The following FARP1 variants were observed in gnomAD, a reference collection of about 807,000 sequenced individuals.
FARP1 encodes FERM, ARHGEF and pleckstrin domain-containing protein 1.
Under a neutral mutation model 128.8 loss-of-function variants are expected in FARP1, and 52 were observed. The observed-to-expected ratio is 0.40, with a 90% confidence interval of 0.32 to 0.51. FARP1 has a LOEUF of 0.51. Among genes scored for constraint, FARP1 ranks in the 20% least tolerant of loss-of-function variants. FARP1 has a pLI of 0.45. For missense variants in FARP1, 1,333 were observed against 1,367.9 expected (o/e 0.97, Z 0.40); for synonymous variants, 580 against 551.8 (o/e 1.05, Z -0.72).
At chr13:98,446,857 G>A in intron 26 of FARP1, 40 bp downstream of exon 26, 1 of 1,605,010 alleles carries the variant, frequency 6.2e-7, no homozygotes, top group Non-Finnish European at 8.5e-7. Flanking sequence ...CTGCAGAAGA[G>A]GACCCCCTCT....
chr13:98,411,822 G>A, intron 15 of FARP1, 79 bp from the exon 16 acceptor site: 1 of 1,498,466 alleles, frequency 6.7e-7, no homozygotes, highest in Non-Finnish European at 9.1e-7. Context: ...GCATTTGGCT[G>A]CATGTGACTT....
At chr13:98,377,390 A>AC (rs1889639368) in intron 5 of FARP1, among the ~76,000 whole-genome samples, 1 of 142,140 alleles carries the variant, frequency 7.0e-6, no homozygotes, top group African/African-American at 2.6e-5. Context: ...AAAAAAAAAA[A>AC]ATGACGCCCC....
At chr13:98,419,941 T>A (rs1891531839) in intron 16 of FARP1, among the ~76,000 whole-genome samples, 1 of 152,000 alleles carries the variant, frequency 6.6e-6, no homozygotes, top group Admixed American at 6.6e-5. Context: ...ATTGGGCCCA[T>A]GGGGTATGCA....
At chr13:98,145,388 AC>A (rs1158644534) in intron 1 of FARP1, among the ~76,000 whole-genome samples, 1 of 152,156 alleles carries the variant, frequency 6.6e-6, no homozygotes, top group Non-Finnish European at 1.5e-5. Context: ...TTTAATTGAT[AC>A]AGGGATGGAT....
At chr13:98,441,777 C>T (rs1483255456) in intron 24 of FARP1, among the ~76,000 whole-genome samples, 2 of 152,084 alleles carry the variant, frequency 1.3e-5, no homozygotes, top group African/African-American at 2.4e-5. Flanking sequence ...TTCCGTGGCT[C>T]GCCTGGGGAG....
intron 9 of FARP1, among the ~76,000 whole-genome samples, chr13:98,389,294 TGA>T (rs1458920807): frequency 6.6e-6 from 1 of 152,208 alleles, no homozygotes; most frequent in African/African-American, 2.4e-5. Flanking sequence ...CCCAAAACTG[TGA>T]GATCCCCCAA....
At chr13:98,428,529 A>G (rs1891874741) in intron 17 of FARP1, among the ~76,000 whole-genome samples, 1 of 152,158 alleles carries the variant, frequency 6.6e-6, no homozygotes, top group African/African-American at 2.4e-5. Context: ...GTCACTGTTC[A>G]TACAACACAA....
chr13:98,368,964 C>T (rs1173076876), intron 5 of FARP1, among the ~76,000 whole-genome samples: 3 of 147,236 alleles, frequency 2.0e-5, no homozygotes, highest in African/African-American at 7.5e-5. Context: ...CTCTCTCTGT[C>T]GCCCAGGTTG....
intron 2 of FARP1, among the ~76,000 whole-genome samples, chr13:98,278,172 AGTGTGTGTGT>A (rs58097403): frequency 1.3e-5 from 2 of 149,966 alleles, no homozygotes; most frequent in South Asian, 2.1e-4. Context: ...TGAGTGAGTG[AGTGTGTGTGT>A]GTGTGTGTAT....
At chr13:98,153,301 T>TATA (rs1427286268) in intron 1 of FARP1, among the ~76,000 whole-genome samples, 3 of 58,450 alleles carry the variant, frequency 5.1e-5, no homozygotes. Context: ...TATATAAATA[T>TATA]ATTTATATAT....
rs59209045 is a variant in FARP1, at chr13:98,232,145, G to GTTTTTTTT, written c.171+18746_171+18753dup. On this transcript the variant is annotated intron_variant, in intron 2 of 26. Transcript: ENST00000319562. ...GTGCCCGGCTTTTTTTGTTTGGTTG[G>GTTTTTTTT]TTTTTTTTTTTTTTTTTTTTTGCTT... Among the ~76,000 whole-genome samples, 175 of 105,720 alleles carry GTTTTTTTT rather than the reference G, an allele frequency of 1.7e-3. 3 individuals carry two copies. Among genetic ancestry groups the GTTTTTTTT allele is most frequent in the African/African-American group, 3.8e-3 (98 of 26,122 alleles). The allele number at this position is 105,720 out of a possible 152,430, so 69.4% of individuals were successfully genotyped here.
chr13:98,246,206 C>T (rs553188121), intron 2 of FARP1, among the ~76,000 whole-genome samples: 107 of 146,448 alleles, frequency 7.3e-4, no homozygotes, highest in Non-Finnish European at 1.2e-3. Flanking sequence ...CGCCATTCTC[C>T]TGCCTCAGCC....
At chr13:98,158,864 C>T (rs747488405) in intron 1 of FARP1, among the ~76,000 whole-genome samples, 4 of 152,104 alleles carry the variant, frequency 2.6e-5, no homozygotes, top group Non-Finnish European at 4.4e-5. Flanking sequence ...TGTTTGTGGC[C>T]GCACCTGCCT....
intron 2 of FARP1, chr13:98,340,705 G>A (rs1887932670): frequency 6.6e-6 from 1 of 152,376 alleles, no homozygotes; most frequent in Non-Finnish European, 1.5e-5. Flanking sequence ...CCCCGAATAA[G>A]TTGCTGTGCA....
chr13:98,244,410 C>G, intron 2 of FARP1: 1 of 1,309,448 alleles, frequency 7.6e-7, no homozygotes, highest in Non-Finnish European at 1.1e-6. Flanking sequence ...TGCTGTGTCT[C>G]TTTATTGTTA....
intron 2 of FARP1, chr13:98,234,744 C>G (rs1882323540): frequency 1.3e-5 from 2 of 152,138 alleles, no homozygotes; most frequent in Non-Finnish European, 2.9e-5. Flanking sequence ...AGAGGAAGCT[C>G]AGAGATTCTG....
In FARP1 at chr13:98,409,231, G is replaced by A. The variant is rs571239386; in HGVS notation, c.1415-107G>A. ...AGAATCGCTTTAGGTTTGCCATGGCGGGGTAGTCAAATCTTACGATTTGAA... is the reference window on the plus strand; with the variant it reads ...AGAATCGCTTTAGGTTTGCCATGGCAGGGTAGTCAAATCTTACGATTTGAA... On this transcript the variant is annotated intron_variant, in intron 13 of 26. Coordinates refer to ENST00000319562, the MANE Select transcript of FARP1 (RefSeq NM_005766.4). 126 of 845,528 alleles carry A rather than the reference G, an allele frequency of 1.5e-4. 2 individuals are homozygous for A. The South Asian group carries it at 2.1e-3, about 14-fold the overall frequency. 52.4% of individuals were successfully genotyped at this position (845,528 alleles called of 1,614,324 possible).
chr13:98,431,973 T>C (rs1234816384), intron 18 of FARP1: 1 of 152,218 alleles, frequency 6.6e-6, no homozygotes, highest in Non-Finnish European at 1.5e-5. Flanking sequence ...ACATAGCTTG[T>C]AAGAAATCCT....
intron 15 of FARP1, among the ~76,000 whole-genome samples, chr13:98,411,572 A>G (rs568034604): frequency 8.5e-5 from 13 of 152,356 alleles, no homozygotes; most frequent in African/African-American, 3.1e-4. Context: ...TTCAGTGGTC[A>G]TAAATTAGTG....
Sources: gnomAD v4.1 joint callset for allele counts (sites outside exome capture counted in the v4.1 genomes callset) on GRCh38, gnomAD v4.1.1 for gene constraint, MANE v1.5 for transcripts, NCBI Gene and HGNC (gene_info 2026-07-23, HGNC 2026-07-21) for gene names.